Variants in PP2D1 observed in about 807,000 individuals in gnomAD.
PP2D1 encodes the protein protein phosphatase 2C like domain containing 1, also known as protein phosphatase 2C-like domain-containing protein 1.
PP2D1 carries 25 observed loss-of-function variants against 30.2 expected under a neutral mutation model. The observed-to-expected ratio is 0.83, with a 90% CI of 0.60 to 1.16. The LOEUF (loss-of-function observed/expected upper bound fraction) is 1.16. Ranked by LOEUF, PP2D1 falls within the 50% of genes most tolerant of loss-of-function variation. The pLI, the probability that PP2D1 is intolerant of heterozygous loss-of-function variation, is 0.00. For missense variants in PP2D1, 760 were observed against 742.4 expected (o/e 1.02, Z -0.28); for synonymous variants, 260 against 258.9 (o/e 1.00, Z -0.04).
chr3:19,987,680 C>T (rs1258749306), intron 2 of PP2D1, among the ~76,000 whole-genome samples: 1 of 152,136 alleles, frequency 6.6e-6, no homozygotes, highest in Non-Finnish European at 1.5e-5. Context: ...GAGGCTGAGG[C>T]AGGCAAATCA....
intron 2 of PP2D1, among the ~76,000 whole-genome samples, chr3:19,997,366 A>G (rs1452333943): frequency 6.6e-6 from 1 of 151,404 alleles, no homozygotes; most frequent in Non-Finnish European, 1.5e-5. Context: ...AAAAATTCTC[A>G]ACAAATTAGG....
At chr3:19,988,952 C>T (rs907870356) in intron 2 of PP2D1, among the ~76,000 whole-genome samples, 1 of 152,016 alleles carries the variant, frequency 6.6e-6, no homozygotes, top group African/African-American at 2.4e-5. Flanking sequence ...CGCCACTACA[C>T]TCCAGCCTGG....
intron 2 of PP2D1, among the ~76,000 whole-genome samples, chr3:19,990,424 A>G (rs1455237734): frequency 6.6e-6 from 1 of 152,220 alleles, no homozygotes; most frequent in Non-Finnish European, 1.5e-5. Context: ...TGCTGGGATT[A>G]CAAGTGCCAG....
At chr3:19,980,704 A>G (rs745562554), downstream of PP2D1, among the ~76,000 whole-genome samples, 1 of 152,162 alleles carries the variant, frequency 6.6e-6, no homozygotes, top group Non-Finnish European at 1.5e-5. Flanking sequence ...TTTGTGTCCC[A>G]GGTACCAGTG....
intron 2 of PP2D1, among the ~76,000 whole-genome samples, chr3:19,990,381 A>G (rs999812741): frequency 1.9e-4 from 29 of 152,280 alleles, no homozygotes; most frequent in East Asian, 9.7e-4. Context: ...CCTGGGCTCA[A>G]TCGATCCTCC....
intron 1 of PP2D1, among the ~76,000 whole-genome samples, chr3:20,011,417 C>T (rs180986073): frequency 4.1e-4 from 63 of 152,218 alleles, no homozygotes; most frequent in Middle Eastern, 3.4e-3. Context: ...TTTTTCCATA[C>T]GCCGGGGACA....
At chr3:19,985,128 G>GT (rs1453336777), downstream of PP2D1, 6 of 376,888 alleles carry the variant, frequency 1.6e-5, no homozygotes, top group African/African-American at 1.3e-4. Flanking sequence ...CCAGTGTTTA[G>GT]TTTTATATTG....
At chr3:19,994,992 C>T (rs930459361) in intron 2 of PP2D1, among the ~76,000 whole-genome samples, 30 of 152,234 alleles carry the variant, frequency 2.0e-4, no homozygotes, top group African/African-American at 6.5e-4. Context: ...GATATTAATT[C>T]GTGAATCATT....
rs1281833140 is a variant in PP2D1 at position 19,985,687 on chromosome 3, T to G, written c.1586A>C (p.Asn529Thr). ...TGAATCGGATAAATTTTCTTTGGAA[T>G]TTGTAGTTGACACACGTACTTCAGA... The part of the protein sequence containing the change: ...SVSEVRVSTT[N>T]SKENLSDSNY... The change falls in exon 3 of 3, where the codon AAT (asparagine) becomes ACT (threonine). Residue 529 changes from asparagine (N) to threonine (T), a missense_variant. Asn to Thr is a moderately conservative substitution (Grantham distance 65). This residue lies in a region of PP2D1 where 369 missense variants were observed against 316.2 expected (regional missense o/e 1.17). Coordinates refer to ENST00000389050, the MANE Select transcript of PP2D1 (RefSeq NM_001252657.2). 3.3e-6 allele frequency: 5 copies of G among 1,535,956 alleles called. No homozygotes were observed. In the East Asian group the frequency reaches 1.2e-4, roughly 38 times the overall value.
intron 1 of PP2D1, among the ~76,000 whole-genome samples, chr3:20,004,947 C>A (rs960716038): frequency 2.0e-5 from 3 of 151,546 alleles, no homozygotes; most frequent in African/African-American, 7.3e-5. Context: ...TCTCTATTAA[C>A]AATTAAAAAA....
chr3:19,996,352 G>A (rs373899274), intron 2 of PP2D1, among the ~76,000 whole-genome samples: 2 of 152,002 alleles, frequency 1.3e-5, no homozygotes, highest in South Asian at 2.1e-4. Flanking sequence ...GGATAAACAC[G>A]TGGACACTTA....
In PP2D1 at chr3:19,985,619, T is replaced by A. The variant is rs1409583093; in HGVS notation, c.1654A>T (p.Thr552Ser). 6.5e-7 allele frequency: 1 copy of A among 1,535,926 alleles called. No individual in the cohort carries two copies. Among genetic ancestry groups the A allele is most frequent in the East Asian group, 2.4e-5 (1 of 40,924 alleles). The change falls in exon 3 of 3, where the codon ACA (threonine) becomes TCA (serine). Residue 552 changes from threonine to serine, a missense_variant. Thr to Ser is a moderately conservative substitution (Grantham distance 58, BLOSUM62 1). Transcript: ENST00000389050. ...YCIYNPENVETFPAETTHRKP... is the reference protein window; with the variant it reads ...YCIYNPENVESFPAETTHRKP... The stretch of plus-strand genomic sequence containing the variant: ...CGATGAGTCGTTTCTGCTGGAAATG[T>A]TTCTACATTCTCAGGGTTATAAATA...
At chr3:19,981,770 G>A (rs1047418997), downstream of PP2D1, among the ~76,000 whole-genome samples, 1 of 152,070 alleles carries the variant, frequency 6.6e-6, no homozygotes, top group Non-Finnish European at 1.5e-5. Context: ...GCTGTATAGA[G>A]CTTGGCAGAG....
intron 1 of PP2D1, among the ~76,000 whole-genome samples, chr3:20,004,652 G>A (rs747481888): frequency 2.6e-5 from 4 of 152,134 alleles, no homozygotes; most frequent in South Asian, 2.1e-4. Flanking sequence ...CATTTTATAC[G>A]CCTTCCTATC....
chr3:19,998,664 C>T (rs561962282), intron 2 of PP2D1, among the ~76,000 whole-genome samples: 50 of 152,038 alleles, frequency 3.3e-4, no homozygotes, highest in Non-Finnish European at 5.9e-4. Context: ...CAAATTCAAC[C>T]TGTATTCAAT....
intron 1 of PP2D1, among the ~76,000 whole-genome samples, chr3:20,005,428 A>T (rs965933923): frequency 1.3e-5 from 2 of 152,326 alleles, no homozygotes; most frequent in African/African-American, 4.8e-5. Context: ...CTGGGATTAC[A>T]GGCATTAGCC....
chr3:20,007,149 G>A (rs191748399), intron 1 of PP2D1, among the ~76,000 whole-genome samples: 1 of 152,136 alleles, frequency 6.6e-6, no homozygotes, highest in Admixed American at 6.5e-5. Context: ...TAGGATTACA[G>A]GCGTAAGCCA....
downstream of PP2D1, among the ~76,000 whole-genome samples, chr3:19,981,220 C>G (rs758492040): frequency 6.6e-6 from 1 of 152,134 alleles, no homozygotes; most frequent in Non-Finnish European, 1.5e-5. Flanking sequence ...GTTTGACTTA[C>G]GATTTTATAA....
intron 1 of PP2D1, among the ~76,000 whole-genome samples, chr3:20,009,029 A>G (rs907412661): frequency 2.0e-5 from 3 of 152,224 alleles, no homozygotes; most frequent in African/African-American, 7.2e-5. Context: ...TGTAAAATTA[A>G]TTAAGAAACA....
Sources: allele counts gnomAD v4.1 joint callset (sites outside exome capture counted in the v4.1 genomes callset), GRCh38; gene constraint gnomAD v4.1.1; regional missense constraint gnomAD v4.1.1; transcripts MANE v1.5; gene names NCBI Gene and HGNC (gene_info 2026-07-23, HGNC 2026-07-21).